Variants in FZD3 observed in about 807,000 individuals in gnomAD.
FZD3 encodes frizzled class receptor 3.
In FZD3, 30 loss-of-function variants were observed where a neutral mutation model predicts 60.7. The ratio of observed to expected loss-of-function variants is 0.49; its 90% CI spans 0.37 to 0.67. The LOEUF (loss-of-function observed/expected upper bound fraction) is 0.67. Among genes scored for constraint, FZD3 ranks in the 30% least tolerant of loss-of-function variants. The pLI is 0.00. For missense variants in FZD3, 605 were observed against 838.7 expected (o/e 0.72, Z 3.44); for synonymous variants, 246 against 275.2 (o/e 0.89, Z 1.05).
chr8:28,572,284 A>G lies in FZD3; in HGVS notation c.*9273A>G, dbSNP rs899990619. 2 of 152,218 alleles carry G rather than the reference A, an allele frequency of 1.3e-5. No individual in the cohort carries two copies. Among genetic ancestry groups the G allele is most frequent in the East Asian group, 1.9e-4 (1 of 5,206 alleles). 9.4% of individuals were successfully genotyped at this position (152,218 alleles called of 1,614,324 possible). A position where few individuals can be genotyped will look rare whatever the true frequency, so the allele number is the denominator to read the frequency against. On this transcript the variant is annotated 3_prime_UTR_variant, in exon 8 of 8. Coordinates refer to ENST00000240093, the MANE Select transcript of FZD3 (RefSeq NM_017412.4). ...AGATGCTAGCAATTTCATAATAGAT[A>G]TATTCAAGAAGGAACCAAACTTTAA...
At chr8:28,539,559 G>A (rs1310755064) in intron 5 of FZD3, among the ~76,000 whole-genome samples, 1 of 152,162 alleles carries the variant, frequency 6.6e-6, no homozygotes, top group African/African-American at 2.4e-5. Context: ...GCAAAAGTGG[G>A]AATCAGAAGA....
chr8:28,518,247 A>C lies in FZD3; in HGVS notation c.190-2391A>C, dbSNP rs1052723451. On this transcript the variant is annotated intron_variant, in intron 3 of 7. Transcript: ENST00000240093. ...CTTTTTTTTTTTTTTTTAAGTAGAG[A>C]TAGTCTTGCTGTTTTGCCCAGGCTG... is the stretch of plus-strand genomic sequence containing the variant. Among the ~76,000 whole-genome samples, 4 of 145,900 alleles carry C rather than the reference A, an allele frequency of 2.7e-5. No individual in the cohort carries two copies. The East Asian group carries it at 8.1e-4, about 29-fold the overall frequency.
At chr8:28,553,449 C>T (rs1805449257) in intron 6 of FZD3, among the ~76,000 whole-genome samples, 1 of 152,154 alleles carries the variant, frequency 6.6e-6, no homozygotes, top group Non-Finnish European at 1.5e-5. Context: ...AAACACAATG[C>T]TGAGGAAAGG....
chr8:28,531,256 TG>T (rs895950967), intron 5 of FZD3, among the ~76,000 whole-genome samples: 2 of 152,188 alleles, frequency 1.3e-5, no homozygotes, highest in African/African-American at 4.8e-5. Flanking sequence ...GTTTTAAAAA[TG>T]TATATATGTG....
intron 5 of FZD3, among the ~76,000 whole-genome samples, chr8:28,539,647 G>A (rs959433241): frequency 6.6e-6 from 1 of 152,144 alleles, no homozygotes; most frequent in East Asian, 1.9e-4. Context: ...TCATTTTTAT[G>A]TGGGCTTTAG....
At chr8:28,516,918 C>T (rs1442721979) in intron 3 of FZD3, among the ~76,000 whole-genome samples, 2 of 152,062 alleles carry the variant, frequency 1.3e-5, no homozygotes, top group East Asian at 3.8e-4. Flanking sequence ...TTCAACCATT[C>T]CCCCATTAGT....
At chr8:28,518,723 T>C (rs1804497549) in intron 3 of FZD3, among the ~76,000 whole-genome samples, 1 of 152,198 alleles carries the variant, frequency 6.6e-6, no homozygotes, top group Admixed American at 6.5e-5. Flanking sequence ...CTCTATAGCC[T>C]CACAAGACCA....
chr8:28,523,165 T>G (rs1478119758), intron 4 of FZD3, among the ~76,000 whole-genome samples: 1 of 152,204 alleles, frequency 6.6e-6, no homozygotes, highest in Non-Finnish European at 1.5e-5. Context: ...TGTGCTGCTA[T>G]AACAAAATAC....
At chr8:28,528,856 T>C (rs1804788973) in intron 5 of FZD3, among the ~76,000 whole-genome samples, 1 of 152,176 alleles carries the variant, frequency 6.6e-6, no homozygotes, top group Admixed American at 6.5e-5. Flanking sequence ...TCAGAGGAGT[T>C]AATGCTAAGT....
rs1805643719 is a variant in FZD3 at position 28,563,027 on chromosome 8, G to A, written c.*16G>A. ...CAGTGCTTAATTTGTCTTGTCTAAG[G>A]TGGAAATCTTGTGCTGTTTAAAAAG... On this transcript the variant is annotated 3_prime_UTR_variant, in exon 8 of 8. Transcript: ENST00000240093. 4 of 1,566,340 alleles carry A rather than the reference G, an allele frequency of 2.6e-6. No individual in the cohort carries two copies. Among genetic ancestry groups the A allele is most frequent in the Non-Finnish European group, 3.5e-6 (4 of 1,136,470 alleles).
At chr8:28,543,421 C>G (rs1805219087) in intron 5 of FZD3, among the ~76,000 whole-genome samples, 1 of 151,872 alleles carries the variant, frequency 6.6e-6, no homozygotes, top group Admixed American at 6.6e-5. Flanking sequence ...CACTCTGTCA[C>G]CCATGCTGGA....
rs900319047 is a variant in FZD3, at chr8:28,573,689, C to G, written c.*10678C>G. On this transcript the variant is annotated 3_prime_UTR_variant, in exon 8 of 8. Coordinates refer to ENST00000240093, the MANE Select transcript of FZD3 (RefSeq NM_017412.4). Reference sequence around the variant, plus strand: ...TTGATACTACCTTTACATATGAATACTATCCATGCTTGTTAAAAAAAAAAA... The same window carrying G: ...TTGATACTACCTTTACATATGAATAGTATCCATGCTTGTTAAAAAAAAAAA... 6.7e-6 allele frequency: 1 copy of G among 149,884 alleles called. No individual in the cohort carries two copies. Among genetic ancestry groups the G allele is most frequent in the African/African-American group, 2.5e-5 (1 of 40,610 alleles). 9.3% of individuals were successfully genotyped at this position (149,884 alleles called of 1,614,324 possible). A position where few individuals can be genotyped will look rare whatever the true frequency, so the allele number is the denominator to read the frequency against.
intron 6 of FZD3, 36 bp from the exon 7 acceptor site, chr8:28,555,696 GAAGATT>G (rs746501665): frequency 7.9e-5 from 86 of 1,093,100 alleles, no homozygotes; most frequent in Admixed American, 1.4e-4. Flanking sequence ...TGGTCTGAAG[GAAGATT>G]GGTATGTATC....
intron 3 of FZD3, among the ~76,000 whole-genome samples, chr8:28,516,158 C>CT (rs1348750079): frequency 6.6e-6 from 1 of 152,122 alleles, no homozygotes; most frequent in Non-Finnish European, 1.5e-5. Flanking sequence ...GTTGAAGATA[C>CT]TTTTTTCCCA....
intron 3 of FZD3, among the ~76,000 whole-genome samples, chr8:28,512,718 G>A (rs955400869): frequency 3.9e-5 from 6 of 151,966 alleles, no homozygotes; most frequent in Non-Finnish European, 5.9e-5. Flanking sequence ...GGTAAATACC[G>A]CAAAAAAGCA....
intron 5 of FZD3, among the ~76,000 whole-genome samples, chr8:28,530,144 G>C (rs886511663): frequency 6.7e-5 from 8 of 118,580 alleles, no homozygotes; most frequent in African/African-American, 2.5e-4. Context: ...TGTGTGTGTT[G>C]GGGGGGATTA....
At chr8:28,547,359 T>TACATATACCATATGATG (rs1393020477) in intron 5 of FZD3, among the ~76,000 whole-genome samples, 11 of 152,250 alleles carry the variant, frequency 7.2e-5, no homozygotes, top group African/African-American at 2.7e-4. Context: ...ATATGATATG[T>TACATATACCATATGATG]GTACAATACT....
At position 28,553,094 on chromosome 8, in the gene FZD3, A is replaced by G. The variant is rs138124584; in HGVS notation, c.1553+1343A>G. Among the ~76,000 whole-genome samples the G allele has an allele frequency of 9.0e-3, 1,371 of 152,290 alleles. 8 individuals carry two copies. Among genetic ancestry groups the G allele is most frequent in the African/African-American group, 0.02 (817 of 41,564 alleles). ...GGTCCTGAAACCACTCTCCTGAGGA[A>G]ATTGAGGGATGATTGTATACATTTC... is the stretch of plus-strand genomic sequence containing the variant. On this transcript the variant is annotated intron_variant, in intron 6 of 7. Transcript: ENST00000240093.
At chr8:28,558,854 C>T (rs2130471386) in intron 7 of FZD3, among the ~76,000 whole-genome samples, 1 of 152,088 alleles carries the variant, frequency 6.6e-6, no homozygotes, top group Non-Finnish European at 1.5e-5. Context: ...ATTCTAGGAG[C>T]ATATAACCTT....
Sources: allele counts gnomAD v4.1 joint callset (sites outside exome capture counted in the v4.1 genomes callset), GRCh38; gene constraint gnomAD v4.1.1; transcripts MANE v1.5; gene names NCBI Gene and HGNC (gene_info 2026-07-23, HGNC 2026-07-21).